ANGPT1: variants seen among roughly 807,000 people sequenced by gnomAD.
ANGPT1 encodes the protein angiopoietin 1.
Under a neutral mutation model 62.2 loss-of-function variants are expected in ANGPT1, and 17 were observed. The observed-to-expected ratio is 0.27, with a 90% CI of 0.19 to 0.41. ANGPT1 has a LOEUF of 0.41. Ranked by LOEUF, ANGPT1 falls within the 10% of genes least tolerant of loss-of-function variation. ANGPT1 has a pLI of 1.00. For missense variants in ANGPT1, 478 were observed against 594.9 expected (o/e 0.80, Z 2.04); for synonymous variants, 199 against 198.9 (o/e 1.00, Z 0.00).
chr8:107,340,552 T>C (rs1025323220), intron 2 of ANGPT1, among the ~76,000 whole-genome samples: 1 of 152,162 alleles, frequency 6.6e-6, no homozygotes, highest in African/African-American at 2.4e-5. Context: ...AAATCTCTTT[T>C]TTTTAGAGAC....
At chr8:107,443,687 C>T (rs1220148003) in intron 1 of ANGPT1, among the ~76,000 whole-genome samples, 3 of 150,278 alleles carry the variant, frequency 2.0e-5, no homozygotes, top group Admixed American at 1.3e-4. Flanking sequence ...GGTGTGGTGG[C>T]GCATGGCTGT....
chr8:107,264,750 T>C (rs535320519), intron 7 of ANGPT1, among the ~76,000 whole-genome samples: 7 of 152,320 alleles, frequency 4.6e-5, no homozygotes, highest in African/African-American at 1.2e-4. Context: ...GGAAGTTTCA[T>C]TGATTGGGGA....
At chr8:107,335,432 C>A (rs925603772) in intron 3 of ANGPT1, among the ~76,000 whole-genome samples, 1 of 152,200 alleles carries the variant, frequency 6.6e-6, no homozygotes, top group Non-Finnish European at 1.5e-5. Flanking sequence ...CTAAGGAAGT[C>A]AGTGTTTTGA....
chr8:107,439,489 T>C (rs1030333164), intron 1 of ANGPT1, among the ~76,000 whole-genome samples: 1 of 152,344 alleles, frequency 6.6e-6, no homozygotes, highest in Non-Finnish European at 1.5e-5. Flanking sequence ...TCTATATTTA[T>C]GGCTGTCAGA....
intron 1 of ANGPT1, among the ~76,000 whole-genome samples, chr8:107,368,084 T>G (rs1376412733): frequency 6.6e-6 from 1 of 152,204 alleles, no homozygotes; most frequent in African/African-American, 2.4e-5. Context: ...GAGGAATCAT[T>G]GTCTATGGCA....
chr8:107,293,749 A>C (rs1044102084), intron 6 of ANGPT1, among the ~76,000 whole-genome samples, 187 bp downstream of exon 6: 6 of 152,198 alleles, frequency 3.9e-5, no homozygotes, highest in African/African-American at 1.2e-4. Flanking sequence ...TTTCTGACGC[A>C]CACGTGGAAA....
intron 8 of ANGPT1, among the ~76,000 whole-genome samples, chr8:107,257,295 T>C (rs535340933): frequency 6.0e-4 from 92 of 152,342 alleles, no homozygotes; most frequent in African/African-American, 2.2e-3. Flanking sequence ...CTCATTAAAA[T>C]TTAGTTTAGT....
chr8:107,310,417 A>G (rs1369108760), intron 4 of ANGPT1, among the ~76,000 whole-genome samples: 1 of 152,204 alleles, frequency 6.6e-6, no homozygotes, highest in Admixed American at 6.5e-5. Context: ...AAACCCAAAT[A>G]GAACTTCAGT....
At chr8:107,395,086 G>A (rs1450674471) in intron 1 of ANGPT1, among the ~76,000 whole-genome samples, 7 of 152,132 alleles carry the variant, frequency 4.6e-5, no homozygotes, top group Non-Finnish European at 7.4e-5. Context: ...AATAGAGTGA[G>A]CTGCCTTCTG....
Position 107,423,577 on chromosome 8 carries a change from A to AC in ANGPT1, c.297+73684dup, listed in dbSNP as rs199994075. On this transcript the variant is annotated intron_variant, in intron 1 of 8. Coordinates refer to ENST00000517746, the MANE Select transcript of ANGPT1 (RefSeq NM_001146.5). ...GTCCTGCTTTCCTCCCTCTGAGAAC[A>AC]CCCCCCGACTCCTCCTCACTCCCTG... Among the ~76,000 whole-genome samples the AC allele has an allele frequency of 4.8e-3, 718 of 150,146 alleles. 12 individuals are homozygous for AC. Among genetic ancestry groups the AC allele is most frequent in the Admixed American group, 0.037 (561 of 15,064 alleles).
At chr8:107,265,960 G>C (rs1813603941) in intron 7 of ANGPT1, among the ~76,000 whole-genome samples, 1 of 152,100 alleles carries the variant, frequency 6.6e-6, no homozygotes, top group South Asian at 2.1e-4. Context: ...CAGAGATTTT[G>C]AGCCAGAGCA....
intron 1 of ANGPT1, among the ~76,000 whole-genome samples, chr8:107,386,365 C>A (rs372193943): frequency 4.6e-5 from 7 of 152,102 alleles, no homozygotes; most frequent in East Asian, 1.9e-4. Context: ...ATGTAACAAA[C>A]CTGCATGTTG....
At chr8:107,437,912 T>C (rs998389729) in intron 1 of ANGPT1, among the ~76,000 whole-genome samples, 16 of 152,188 alleles carry the variant, frequency 1.1e-4, no homozygotes, top group African/African-American at 3.4e-4. Flanking sequence ...TTATTGTATT[T>C]ACCTGAACAG....
chr8:107,445,920 C>T (rs1328300644), intron 1 of ANGPT1, among the ~76,000 whole-genome samples: 1 of 151,794 alleles, frequency 6.6e-6, no homozygotes, highest in African/African-American at 2.4e-5. Flanking sequence ...AATTAATTAA[C>T]TAATTTATGT....
chr8:107,342,992 T>C (rs1815727752), intron 2 of ANGPT1, among the ~76,000 whole-genome samples: 1 of 131,402 alleles, frequency 7.6e-6, no homozygotes, highest in Non-Finnish European at 1.6e-5. Context: ...CGCATTACCA[T>C]GCCTGGCTTT....
At position 107,441,703 on chromosome 8, in the gene ANGPT1, T is replaced by C. The variant is rs186694376; in HGVS notation, c.297+55559A>G. On this transcript the variant is annotated intron_variant, in intron 1 of 8. Coordinates refer to ENST00000517746, the MANE Select transcript of ANGPT1 (RefSeq NM_001146.5). ...ATAATAACCTCCGAGTCCTTTGTGATGACTAAATGAGATTATACGTGGTTC... is the reference window on the plus strand; with the variant it reads ...ATAATAACCTCCGAGTCCTTTGTGACGACTAAATGAGATTATACGTGGTTC... Among the ~76,000 whole-genome samples the C allele has an allele frequency of 2.6e-5, 4 of 152,308 alleles. No individual in the cohort carries two copies. In the East Asian group the frequency reaches 7.7e-4, roughly 29 times the overall value.
intron 1 of ANGPT1, among the ~76,000 whole-genome samples, chr8:107,445,975 T>G (rs189771816): frequency 3.3e-5 from 5 of 152,208 alleles, no homozygotes; most frequent in African/African-American, 1.2e-4. Flanking sequence ...TGGAGTGCAG[T>G]GGCGCTATCT....
chr8:107,291,315 T>G (rs537751108), intron 6 of ANGPT1, among the ~76,000 whole-genome samples: 1 of 152,334 alleles, frequency 6.6e-6, no homozygotes, highest in South Asian at 2.1e-4. Flanking sequence ...GTATTATCAT[T>G]GTCCTATTTT....
At chr8:107,484,261 A>G (rs1208368793) in intron 1 of ANGPT1, among the ~76,000 whole-genome samples, 1 of 152,214 alleles carries the variant, frequency 6.6e-6, no homozygotes, top group Non-Finnish European at 1.5e-5. Context: ...ACTCTTAAAA[A>G]TCATTTGACT....
Sources: gnomAD v4.1 joint callset for allele counts (sites outside exome capture counted in the v4.1 genomes callset) on GRCh38, gnomAD v4.1.1 for gene constraint, MANE v1.5 for transcripts, NCBI Gene and HGNC (gene_info 2026-07-23, HGNC 2026-07-21) for gene names.